DRC5: variants seen among roughly 807,000 people sequenced by gnomAD.
DRC5 encodes T-complex-associated testis-expressed protein 1.
the DRC5 span, among the ~76,000 whole-genome samples, chr6:44,284,510 C>A: frequency 1.8e-4 from 27 of 152,102 alleles, no homozygotes; most frequent in Non-Finnish European, 3.5e-4. Context: ...AGCTTCGGAC[C>A]CTCTACCCAA....
the DRC5 span, chr6:44,286,655 T>C: frequency 1.7e-5 from 14 of 822,630 alleles, no homozygotes; most frequent in Non-Finnish European, 2.7e-5. Flanking sequence ...GCTTAGGGGA[T>C]AGACAGCCTC....
chr6:44,286,105 A>G, the DRC5 span: 1 of 1,614,170 alleles, frequency 6.2e-7, no homozygotes, highest in African/African-American at 1.3e-5. Context: ...GGCTCAGGCC[A>G]GCTACCAGAT....
At chr6:44,297,072 C>T in the DRC5 span, among the ~76,000 whole-genome samples, 1 of 152,394 alleles carries the variant, frequency 6.6e-6, no homozygotes, top group Admixed American at 6.5e-5. Context: ...AGTCTCCCAC[C>T]CCTCCTCCCT....
chr6:44,286,234 G>A, the DRC5 span: 4 of 1,612,356 alleles, frequency 2.5e-6, no homozygotes, highest in East Asian at 6.7e-5. Context: ...ACTGATCGAC[G>A]TGGACCCTGC....
chr6:44,279,748 G>GGTGGGT, the DRC5 span: 2 of 135,342 alleles, frequency 1.5e-5, no homozygotes, highest in South Asian at 2.5e-4. Flanking sequence ...GTAGCCAGAG[G>GGTGGGT]GTGTGTGTGT....
chr6:44,296,663 C>T, the DRC5 span, among the ~76,000 whole-genome samples: 7 of 41,268 alleles, frequency 1.7e-4, no homozygotes, highest in African/African-American at 3.2e-4. Context: ...TGGAGACACC[C>T]GGCCCTCTTT....
At chr6:44,289,580 TCTC>T in the DRC5 span, among the ~76,000 whole-genome samples, 3 of 152,096 alleles carry the variant, frequency 2.0e-5, no homozygotes, top group Non-Finnish European at 2.9e-5. Flanking sequence ...AGCACCCTTC[TCTC>T]CTCCTTCCCA....
chr6:44,284,106 A>G, the DRC5 span, among the ~76,000 whole-genome samples: 1 of 152,130 alleles, frequency 6.6e-6, no homozygotes, highest in African/African-American at 2.4e-5. Flanking sequence ...AGTTCTTGAA[A>G]AAGCTGATCA....
At chr6:44,297,559 G>C in the DRC5 span, 2 of 152,338 alleles carry the variant, frequency 1.3e-5, no homozygotes, top group East Asian at 3.9e-4. Context: ...GGCCGGTGTG[G>C]GCAGAGGACG....
At chr6:44,283,238 C>G in the DRC5 span, among the ~76,000 whole-genome samples, 1 of 152,142 alleles carries the variant, frequency 6.6e-6, no homozygotes, top group African/African-American at 2.4e-5. Flanking sequence ...GCAGTTGAGA[C>G]AGGTTTGGAA....
At chr6:44,295,377 T>C in the DRC5 span, among the ~76,000 whole-genome samples, 2 of 152,112 alleles carry the variant, frequency 1.3e-5, no homozygotes, top group African/African-American at 2.4e-5. Context: ...TTCACATGGT[T>C]GTGTCTCTAA....
the DRC5 span, among the ~76,000 whole-genome samples, chr6:44,283,543 G>A: frequency 6.6e-6 from 1 of 151,934 alleles, no homozygotes; most frequent in Admixed American, 6.6e-5. Context: ...TCTACCCTTC[G>A]GTTCACTCCT....
chr6:44,285,813 G>T, the DRC5 span: 1 of 726,596 alleles, frequency 1.4e-6, no homozygotes, highest in Non-Finnish European at 2.2e-6. Flanking sequence ...CCCCAGAACC[G>T]TGTATCTTGG....
At chr6:44,283,681 A>G in the DRC5 span, among the ~76,000 whole-genome samples, 13 of 152,362 alleles carry the variant, frequency 8.5e-5, no homozygotes, top group African/African-American at 2.9e-4. Context: ...CAAGCAACTG[A>G]CAAAATAGAA....
chr6:44,284,472 C>T, the DRC5 span, among the ~76,000 whole-genome samples: 1 of 152,104 alleles, frequency 6.6e-6, no homozygotes, highest in Admixed American at 6.5e-5. Context: ...GGCACACATT[C>T]CCACATTCAA....
At chr6:44,292,553 G>C in the DRC5 span, among the ~76,000 whole-genome samples, 3 of 152,196 alleles carry the variant, frequency 2.0e-5, no homozygotes, top group Non-Finnish European at 2.9e-5. Flanking sequence ...CCCAGTGGTA[G>C]GTCTGCTTTA....
chr6:44,282,896 G>A, the DRC5 span, among the ~76,000 whole-genome samples: 22 of 141,472 alleles, frequency 1.6e-4, no homozygotes, highest in African/African-American at 4.4e-4. Context: ...TCCACCTTCC[G>A]GATTCACACC....
At chr6:44,284,708 T>G in the DRC5 span, among the ~76,000 whole-genome samples, 1 of 152,172 alleles carries the variant, frequency 6.6e-6, no homozygotes, top group Admixed American at 6.5e-5. Context: ...CCTGTGCCAG[T>G]GTGGCCAGGT....
At chr6:44,289,303 C>G in the DRC5 span, among the ~76,000 whole-genome samples, 2 of 152,032 alleles carry the variant, frequency 1.3e-5, no homozygotes, top group African/African-American at 2.4e-5. Context: ...TTCCAAAGTG[C>G]TGGGATTACA....
Sources: allele counts gnomAD v4.1 joint callset (sites outside exome capture counted in the v4.1 genomes callset), GRCh38; gene constraint gnomAD v4.1.1; transcripts MANE v1.5; gene names NCBI Gene and HGNC (gene_info 2026-07-23, HGNC 2026-07-21).